The following C13orf42 variants were observed in gnomAD, a reference collection of about 807,000 sequenced individuals.
The protein encoded by C13orf42 is uncharacterized protein C13orf42.
chr13:51,132,781 G>A (rs957815831), intron 1 of C13orf42, among the ~76,000 whole-genome samples: 1 of 152,120 alleles, frequency 6.6e-6, no homozygotes, highest in African/African-American at 2.4e-5. Context: ...GCTGGGCCAC[G>A]TTCCCAGGAG....
At chr13:51,093,304 C>T (rs1374916077) in intron 1 of C13orf42, among the ~76,000 whole-genome samples, 2 of 152,156 alleles carry the variant, frequency 1.3e-5, no homozygotes, top group Non-Finnish European at 1.5e-5. Flanking sequence ...TTTCTCTCTT[C>T]CTCAAATTCC....
chr13:51,137,806 G>T (rs1048966363), intron 1 of C13orf42, among the ~76,000 whole-genome samples: 4 of 152,278 alleles, frequency 2.6e-5, no homozygotes, highest in African/African-American at 9.6e-5. Context: ...TGGGTTCATG[G>T]ATTTTTCATC....
intron 1 of C13orf42, among the ~76,000 whole-genome samples, chr13:51,097,000 G>C (rs2137985972): frequency 6.6e-6 from 1 of 152,040 alleles, no homozygotes; most frequent in Middle Eastern, 3.4e-3. Flanking sequence ...TGTATTTACT[G>C]CTTTTTAAAA....
Position 51,085,482 on chromosome 13 carries a change from C to A in C13orf42, c.640G>T (p.Ala214Ser), listed in dbSNP as rs1027350710. The change falls in exon 3 of 4, where the codon GCT becomes TCT. Residue 214 changes from alanine (A) to serine (S), a missense_variant. Transcript: ENST00000563710. ...RAPRRHSEDIAAHTVHTVDGQ... is the reference protein window; with the variant it reads ...RAPRRHSEDISAHTVHTVDGQ... ...TCTACAGTATGCACAGTGTGGGCAG[C>A]GATATCCTCGGAGTGTCTGCGCGGT... The A allele has an allele frequency of 2.5e-6, 1 of 398,574 alleles. No homozygotes were observed. Among genetic ancestry groups the A allele is most frequent in the African/African-American group, 2.1e-5 (1 of 48,712 alleles). 24.7% of individuals were successfully genotyped at this position (398,574 alleles called of 1,614,324 possible).
intron 1 of C13orf42, among the ~76,000 whole-genome samples, chr13:51,147,227 T>TG (rs60844557): frequency 7.3e-5 from 11 of 151,642 alleles, no homozygotes. Flanking sequence ...CTAGGTGTGG[T>TG]GGGGACCCCC....
At chr13:51,105,317 G>A (rs796581140) in intron 1 of C13orf42, among the ~76,000 whole-genome samples, 25 of 152,262 alleles carry the variant, frequency 1.6e-4, no homozygotes, top group Admixed American at 4.6e-4. Flanking sequence ...TTGCTCTCTC[G>A]CAAGACCGAC....
chr13:51,150,909 C>G (rs1953773346), intron 1 of C13orf42, among the ~76,000 whole-genome samples: 1 of 152,078 alleles, frequency 6.6e-6, no homozygotes, highest in Non-Finnish European at 1.5e-5. Context: ...AGAAATAATC[C>G]CAGCTAAATG....
At chr13:51,170,237 C>A (rs1953936736) in intron 1 of C13orf42, among the ~76,000 whole-genome samples, 1 of 152,186 alleles carries the variant, frequency 6.6e-6, no homozygotes, top group Non-Finnish European at 1.5e-5. Flanking sequence ...ACTCAGCCTG[C>A]CTGCACCCAG....
At chr13:51,096,705 A>C (rs1953238058) in intron 1 of C13orf42, among the ~76,000 whole-genome samples, 2 of 152,206 alleles carry the variant, frequency 1.3e-5, no homozygotes, top group Non-Finnish European at 2.9e-5. Flanking sequence ...TCTGTTTTAA[A>C]GTCTCTTGAA....
chr13:51,151,140 C>T (rs1020129620), intron 1 of C13orf42, among the ~76,000 whole-genome samples: 1 of 152,184 alleles, frequency 6.6e-6, no homozygotes, highest in African/African-American at 2.4e-5. Context: ...TGTCACACCA[C>T]ATGGTAATGT....
chr13:51,112,998 A>G (rs2138006277), upstream of C13orf42, among the ~76,000 whole-genome samples: 1 of 152,350 alleles, frequency 6.6e-6, no homozygotes, highest in African/African-American at 2.4e-5. Flanking sequence ...AGGTAGCCAC[A>G]GGCTATGACT....
chr13:51,120,133 G>T (rs1953522276), intron 1 of C13orf42, among the ~76,000 whole-genome samples: 1 of 152,096 alleles, frequency 6.6e-6, no homozygotes, highest in South Asian at 2.1e-4. Context: ...ATCTGTAGAG[G>T]TTCCACTTGA....
At chr13:51,123,720 C>A (rs959480508) in intron 1 of C13orf42, among the ~76,000 whole-genome samples, 1 of 152,160 alleles carries the variant, frequency 6.6e-6, no homozygotes, top group Non-Finnish European at 1.5e-5. Context: ...ATTTATTGAG[C>A]GCATGAATGA....
chr13:51,092,421 C>T (rs994621932), intron 1 of C13orf42, among the ~76,000 whole-genome samples: 4 of 152,162 alleles, frequency 2.6e-5, no homozygotes, highest in African/African-American at 9.7e-5. Flanking sequence ...AATATCTCAT[C>T]TAAAATTTCC....
upstream of C13orf42, among the ~76,000 whole-genome samples, chr13:51,115,372 C>A (rs1342119426): frequency 6.6e-6 from 1 of 152,162 alleles, no homozygotes; most frequent in Non-Finnish European, 1.5e-5. Context: ...GGCATTTGAC[C>A]AGGCACCCTG....
intron 1 of C13orf42, among the ~76,000 whole-genome samples, chr13:51,129,155 G>A (rs1953596767): frequency 6.6e-6 from 1 of 152,226 alleles, no homozygotes; most frequent in Non-Finnish European, 1.5e-5. Flanking sequence ...TGCCTGGAGT[G>A]TGAGCTGCTC....
At chr13:51,145,010 T>C (rs759422552) in intron 1 of C13orf42, among the ~76,000 whole-genome samples, 2 of 152,270 alleles carry the variant, frequency 1.3e-5, no homozygotes, top group Non-Finnish European at 2.9e-5. Flanking sequence ...TTCAAAATGA[T>C]TGTACACCTG....
At chr13:51,165,090 T>C (rs1223154014) in intron 1 of C13orf42, among the ~76,000 whole-genome samples, 1 of 152,140 alleles carries the variant, frequency 6.6e-6, no homozygotes, top group Non-Finnish European at 1.5e-5. Flanking sequence ...CTCCTATCCT[T>C]CTCTATCCTG....
intron 1 of C13orf42, among the ~76,000 whole-genome samples, chr13:51,150,331 C>T (rs375933072): frequency 1.7e-4 from 26 of 152,108 alleles, no homozygotes; most frequent in Non-Finnish European, 3.2e-4. Flanking sequence ...CAGCCACCAG[C>T]GTATCCTACT....
Sources: allele counts gnomAD v4.1 joint callset (sites outside exome capture counted in the v4.1 genomes callset), GRCh38; gene constraint gnomAD v4.1.1; transcripts MANE v1.5; gene names NCBI Gene and HGNC (gene_info 2026-07-23, HGNC 2026-07-21).